The following SBF2 variants were observed in gnomAD, a reference collection of about 807,000 sequenced individuals.
SBF2 encodes SET binding factor 2.
In SBF2, 112 loss-of-function variants were observed where a neutral mutation model predicts 225.2. That is an observed-to-expected ratio of 0.50 (90% CI 0.43 to 0.58). The LOEUF is 0.58. Among genes scored for constraint, SBF2 ranks in the 20% least tolerant of loss-of-function variants. The pLI, the probability that SBF2 is intolerant of heterozygous loss-of-function variation, is 0.00. For missense variants in SBF2, 1,996 were observed against 2,206.2 expected (o/e 0.90, Z 1.91); for synonymous variants, 763 against 773.3 (o/e 0.99, Z 0.22).
intron 7 of SBF2, among the ~76,000 whole-genome samples, chr11:10,001,467 A>G (rs1040551782): frequency 4.0e-5 from 6 of 151,362 alleles, no homozygotes; most frequent in African/African-American, 1.2e-4. Context: ...GGCAAAAAAA[A>G]GGGGGGGGCC....
intron 32 of SBF2, among the ~76,000 whole-genome samples, chr11:9,801,790 C>G (rs928305427): frequency 6.6e-6 from 1 of 152,134 alleles, no homozygotes; most frequent in African/African-American, 2.4e-5. Flanking sequence ...TTGAATATAC[C>G]AACAATCCAT....
In SBF2 at chr11:10,229,567, C is replaced by G. The variant is rs535971433; in HGVS notation, c.56-35580G>C. 3.9e-5 allele frequency among the ~76,000 whole-genome samples: 6 copies of G among 152,184 alleles called. No individual in the cohort carries two copies. In the East Asian group the frequency reaches 1.2e-3, roughly 29 times the overall value. On this transcript the variant is annotated intron_variant, in intron 1 of 39. Transcript: ENST00000256190. ...CTTTATTTCTGCCTTCATTTCGTTA[C>G]GTACCCAGTAGTCATTCAGGAGCAG...
chr11:9,995,933 T>A (rs1947681028), intron 9 of SBF2, among the ~76,000 whole-genome samples: 1 of 152,022 alleles, frequency 6.6e-6, no homozygotes, highest in Admixed American at 6.6e-5. Context: ...GTGTTGGGAT[T>A]ACACGCATGA....
chr11:10,291,591 G>A (rs529891634), intron 1 of SBF2, among the ~76,000 whole-genome samples: 45 of 151,798 alleles, frequency 3.0e-4, no homozygotes, highest in South Asian at 4.2e-4. Flanking sequence ...CCAGTGCTTC[G>A]GGCAGGTGGG....
rs554410009 is a variant in SBF2 at position 9,946,743 on chromosome 11, C to T, written c.1860+15214G>A. ...GGGATTACAGGCTTGAGCCACTGCACCTGGCCTATGTTTCTATTAACAAAC... is the reference window on the plus strand; with the variant it reads ...GGGATTACAGGCTTGAGCCACTGCATCTGGCCTATGTTTCTATTAACAAAC... On this transcript the variant is annotated intron_variant, in intron 16 of 39. Coordinates refer to ENST00000256190, the MANE Select transcript of SBF2 (RefSeq NM_030962.4). Among the ~76,000 whole-genome samples the T allele has an allele frequency of 3.2e-3, 495 of 152,308 alleles. 3 individuals carry two copies. The highest frequency in any genetic ancestry group is 3.9e-3 in the Non-Finnish European group (264 of 68,034).
intron 13 of SBF2, among the ~76,000 whole-genome samples, chr11:9,987,567 A>G (rs1200131712): frequency 6.6e-6 from 1 of 152,192 alleles, no homozygotes; most frequent in African/African-American, 2.4e-5. Flanking sequence ...AGAATTCAGC[A>G]AAGTTTCCGG....
chr11:9,799,408 A>AC (rs1030167319), intron 32 of SBF2, among the ~76,000 whole-genome samples: 2 of 152,180 alleles, frequency 1.3e-5, no homozygotes, highest in African/African-American at 4.8e-5. Flanking sequence ...CCTGTGTGCC[A>AC]CAGGAGCACC....
At chr11:10,172,705 C>T (rs1301703020) in intron 2 of SBF2, among the ~76,000 whole-genome samples, 1 of 151,452 alleles carries the variant, frequency 6.6e-6, no homozygotes, top group Non-Finnish European at 1.5e-5. Flanking sequence ...CTCACTCTGT[C>T]GCCCAGGCTG....
chr11:10,245,869 G>A (rs1020317014), intron 1 of SBF2, among the ~76,000 whole-genome samples: 5 of 152,162 alleles, frequency 3.3e-5, no homozygotes, highest in South Asian at 2.1e-4. Context: ...AGGACACTAC[G>A]CTAAGTGAAA....
At chr11:10,070,616 T>G (rs963372989) in intron 2 of SBF2, among the ~76,000 whole-genome samples, 6 of 152,218 alleles carry the variant, frequency 3.9e-5, no homozygotes, top group African/African-American at 1.4e-4. Flanking sequence ...TTGTTCATTT[T>G]GCTTAGAATT....
intron 17 of SBF2, among the ~76,000 whole-genome samples, chr11:9,893,403 C>T (rs1422367818): frequency 6.6e-6 from 1 of 152,208 alleles, no homozygotes; most frequent in Non-Finnish European, 1.5e-5. Flanking sequence ...GATACTGGAA[C>T]TGGCCCTTAT....
chr11:9,894,123 T>G (rs1385048050), intron 17 of SBF2, among the ~76,000 whole-genome samples: 2 of 151,980 alleles, frequency 1.3e-5, no homozygotes, highest in Non-Finnish European at 2.9e-5. Flanking sequence ...GGCTCACCCC[T>G]GTAATTGCAG....
At chr11:9,930,314 G>A (rs1203941905) in intron 16 of SBF2, among the ~76,000 whole-genome samples, 2 of 152,050 alleles carry the variant, frequency 1.3e-5, no homozygotes, top group Non-Finnish European at 2.9e-5. Context: ...ATCTATTGAT[G>A]CATACTACAT....
At chr11:10,061,065 T>A (rs1408474115) in intron 2 of SBF2, among the ~76,000 whole-genome samples, 1 of 151,938 alleles carries the variant, frequency 6.6e-6, no homozygotes, top group Non-Finnish European at 1.5e-5. Flanking sequence ...AATCTGTAAA[T>A]GTGATTCATA....
chr11:10,152,209 C>T (rs1955232438), intron 2 of SBF2, among the ~76,000 whole-genome samples: 1 of 152,120 alleles, frequency 6.6e-6, no homozygotes, highest in East Asian at 1.9e-4. Context: ...TGCCAGAACC[C>T]CTTGATCCAT....
At chr11:10,228,533 C>A (rs901760533) in intron 1 of SBF2, among the ~76,000 whole-genome samples, 6 of 152,106 alleles carry the variant, frequency 3.9e-5, no homozygotes, top group Non-Finnish European at 5.9e-5. Flanking sequence ...TAGCATGAAG[C>A]ATTGTTGAAT....
chr11:10,052,503 A>G (rs137959672), intron 2 of SBF2, among the ~76,000 whole-genome samples: 1 of 152,302 alleles, frequency 6.6e-6, no homozygotes, highest in African/African-American at 2.4e-5. Flanking sequence ...AGAACTTAGT[A>G]TAACCTATAA....
chr11:9,857,316 C>T (rs554815874), intron 18 of SBF2, among the ~76,000 whole-genome samples: 29 of 152,206 alleles, frequency 1.9e-4, no homozygotes, highest in African/African-American at 6.3e-4. Context: ...GGGCTGGCTC[C>T]GGGATAGACT....
At chr11:10,175,261 A>G (rs1399302999) in intron 2 of SBF2, among the ~76,000 whole-genome samples, 21 of 151,900 alleles carry the variant, frequency 1.4e-4, no homozygotes, top group Non-Finnish European at 2.4e-4. Context: ...TGTATTCAGG[A>G]AACCCATCTC....
Sources: allele counts gnomAD v4.1 joint callset (sites outside exome capture counted in the v4.1 genomes callset), GRCh38; gene constraint gnomAD v4.1.1; transcripts MANE v1.5; gene names NCBI Gene and HGNC (gene_info 2026-07-23, HGNC 2026-07-21).